Variants in BRD8 observed in about 807,000 individuals in gnomAD.
BRD8 encodes bromodomain containing 8, also known as bromodomain-containing protein 8.
BRD8 carries 67 observed loss-of-function variants against 143.1 expected under a neutral mutation model. The ratio of observed to expected loss-of-function variants is 0.47; its 90% confidence interval spans 0.38 to 0.57. The LOEUF (loss-of-function observed/expected upper bound fraction) is 0.57. BRD8 is among the 20% of genes least tolerant of loss of function. BRD8 has a pLI of 0.00. For missense variants in BRD8, 1,103 were observed against 1,503.0 expected (o/e 0.73, Z 4.40); for synonymous variants, 505 against 517.1 (o/e 0.98, Z 0.32).
intron 2 of BRD8, among the ~76,000 whole-genome samples, chr5:138,175,292 CAA>C (rs200177051): frequency 3.3e-5 from 5 of 151,144 alleles, no homozygotes; most frequent in Admixed American, 6.6e-5. Flanking sequence ...AAAAAACAAA[CAA>C]AAAAAATGCT....
chr5:138,177,442 CA>C (rs1561624944), intron 2 of BRD8, 128 bp downstream of exon 2: 3 of 590,202 alleles, frequency 5.1e-6, no homozygotes, highest in East Asian at 2.9e-5. Flanking sequence ...GACTCAGTCT[CA>C]AAAAAAGAAG....
At chr5:138,140,504 A>ATT (rs1751859428) in intron 26 of BRD8, 1 of 639,024 alleles carries the variant, frequency 1.6e-6, no homozygotes, top group Non-Finnish European at 2.8e-6. Flanking sequence ...TGCTGCCTGC[A>ATT]TTCCTAGACT....
chr5:138,168,108 C>T, intron 8 of BRD8, 30 bp from the exon 9 acceptor site: 1 of 1,571,024 alleles, frequency 6.4e-7, no homozygotes, highest in Non-Finnish European at 8.7e-7. Flanking sequence ...GTGAAGGCTA[C>T]ACTCAAGCTT....
Position 138,149,683 on chromosome 5 carries a change from G to A in BRD8, c.3235C>T (p.Pro1079Ser). 6.2e-7 allele frequency: 1 copy of A among 1,613,182 alleles called. No homozygotes were observed. The highest frequency in any genetic ancestry group is 8.5e-7 in the Non-Finnish European group (1 of 1,179,660). The change falls in exon 23 of 27, where the codon CCC (proline) becomes TCC (serine). Residue 1079 changes from proline to serine, a missense_variant. Pro to Ser is a moderately conservative substitution (Grantham distance 74). Coordinates refer to ENST00000254900, the MANE Select transcript of BRD8 (RefSeq NM_139199.2). ...CDDAFNIKET[P>S]LVDTLFSHAT... ...TGGCTGAAAAGTGTATCCACCAAGG[G>A]AGTCTCCTTAATGTTAAAGGCATCA...
chr5:138,150,441 T>C (rs1317966832), intron 22 of BRD8, among the ~76,000 whole-genome samples: 1 of 152,210 alleles, frequency 6.6e-6, no homozygotes, highest in African/African-American at 2.4e-5. Context: ...GACGGTATTC[T>C]AAATTTTACT....
At chr5:138,156,675 C>T (rs763716236) in intron 20 of BRD8, among the ~76,000 whole-genome samples, 5 of 152,112 alleles carry the variant, frequency 3.3e-5, no homozygotes, top group Non-Finnish European at 4.4e-5. Flanking sequence ...GTCTTTCCTG[C>T]GCAATGCAAC....
intron 10 of BRD8, 61 bp downstream of exon 10, chr5:138,166,457 A>G (rs1753430482): frequency 9.8e-6 from 11 of 1,126,198 alleles, no homozygotes; most frequent in African/African-American, 1.6e-5. Context: ...GCTCTTGGTC[A>G]TTTTTCTCTA....
intron 8 of BRD8, chr5:138,168,532 G>C (rs759258821): frequency 3.1e-6 from 5 of 1,609,478 alleles, no homozygotes; most frequent in East Asian, 2.2e-5. Flanking sequence ...AGAGGGGAGG[G>C]GGGTGGAGTT....
At chr5:138,168,391 G>T in intron 8 of BRD8, 1 of 978,134 alleles carries the variant, frequency 1.0e-6, no homozygotes, top group Non-Finnish European at 1.6e-6. Context: ...TATTCCCCAT[G>T]TCACATTTTA....
chr5:138,161,837 A>G lies in BRD8; in HGVS notation c.2208T>C (p.Val736=). The change falls in exon 17 of 27, where the codon GTT becomes GTC. Residue 736 remains valine, a synonymous_variant. Coordinates refer to ENST00000254900, the MANE Select transcript of BRD8 (RefSeq NM_139199.2). ...HRYANVFLQP[V]TDDIAPGYHS... is the part of the protein sequence containing the mutation. ...GGTAGCCAGGTGCTATGTCATCTGT[A>G]ACAGGCTGCAGGAAGACATTGGCAT... The G allele has an allele frequency of 6.2e-7, 1 of 1,614,136 alleles. No homozygotes were observed. Among genetic ancestry groups the G allele is most frequent in the South Asian group, 1.1e-5 (1 of 91,066 alleles).
At chr5:138,166,192 G>T in intron 10 of BRD8, 84 bp from the exon 11 acceptor site, 1 of 933,342 alleles carries the variant, frequency 1.1e-6, no homozygotes, top group Non-Finnish European at 1.6e-6. Context: ...GCTACAGACA[G>T]ATGTCAAATA....
intron 23 of BRD8, among the ~76,000 whole-genome samples, chr5:138,146,967 C>T (rs1054748477): frequency 8.9e-6 from 1 of 112,558 alleles, no homozygotes; most frequent in African/African-American, 3.6e-5. Flanking sequence ...GAAACTCCGT[C>T]TCAAAAAAAA....
chr5:138,148,651 G>C (rs553857499), intron 23 of BRD8, among the ~76,000 whole-genome samples: 18 of 152,160 alleles, frequency 1.2e-4, no homozygotes, highest in African/African-American at 4.1e-4. Context: ...TTACAGGTGT[G>C]AGCCACTGCG....
chr5:138,153,444 T>A (rs984844987), intron 20 of BRD8, among the ~76,000 whole-genome samples: 1 of 152,116 alleles, frequency 6.6e-6, no homozygotes, highest in East Asian at 1.9e-4. Flanking sequence ...AATGTATATA[T>A]ACTTTGAGGT....
At chr5:138,159,520 G>T (rs1268656986) in intron 20 of BRD8, 35 bp downstream of exon 20, 1 of 1,610,146 alleles carries the variant, frequency 6.2e-7, no homozygotes, top group Non-Finnish European at 8.5e-7. Flanking sequence ...GAATCTTTGT[G>T]GCAACACCAC....
chr5:138,147,684 C>T (rs1226036470), intron 23 of BRD8, among the ~76,000 whole-genome samples: 1 of 152,172 alleles, frequency 6.6e-6, no homozygotes, highest in Non-Finnish European at 1.5e-5. Flanking sequence ...TGCCTATAAT[C>T]CCAGGACTTT....
intron 3 of BRD8, 131 bp from the exon 4 acceptor site, chr5:138,171,541 G>A (rs1037275671): frequency 6.2e-6 from 4 of 640,734 alleles, no homozygotes; most frequent in Non-Finnish European, 1.1e-5. Flanking sequence ...GGTTTACTAG[G>A]AGGGCAAGTA....
intron 25 of BRD8, among the ~76,000 whole-genome samples, chr5:138,143,759 C>T (rs1752014543): frequency 6.6e-6 from 1 of 152,168 alleles, no homozygotes; most frequent in Non-Finnish European, 1.5e-5. Context: ...AATCAGCACT[C>T]TGTAAAAACG....
intron 24 of BRD8, 104 bp from the exon 25 acceptor site, chr5:138,145,349 C>T (rs989768205): frequency 6.6e-6 from 6 of 902,574 alleles, no homozygotes; most frequent in Non-Finnish European, 8.6e-6. Context: ...GGAATGCAGA[C>T]TGTCAGCACC....
Sources: gnomAD v4.1 joint callset for allele counts (sites outside exome capture counted in the v4.1 genomes callset) on GRCh38, gnomAD v4.1.1 for gene constraint, MANE v1.5 for transcripts, NCBI Gene and HGNC (gene_info 2026-07-23, HGNC 2026-07-21) for gene names.